SETDB1: variants seen among roughly 807,000 people sequenced by gnomAD.
The protein encoded by SETDB1 is SET domain bifurcated histone lysine methyltransferase 1.
A neutral mutation model predicts 137.4 loss-of-function variants in SETDB1; 31 were observed. The ratio of observed to expected loss-of-function variants is 0.23; its 90% CI spans 0.17 to 0.30. The LOEUF is 0.30. SETDB1 is among the 10% of genes least tolerant of loss of function. The pLI is 1.00. For synonymous variants in SETDB1, 548 were observed against 579.9 expected (o/e 0.95, Z 0.79); for missense variants, 1,113 against 1,631.5 (o/e 0.68, Z 5.47).
chr1:150,962,592 C>A lies in SETDB1; in HGVS notation c.3167C>A (p.Thr1056Asn). 3 of 1,614,112 alleles carry A rather than the reference C, an allele frequency of 1.9e-6. No homozygotes were observed. Among genetic ancestry groups the A allele is most frequent in the Non-Finnish European group, 2.5e-6 (3 of 1,179,952 alleles). Residue 1056 changes from threonine to asparagine, a missense_variant, in exon 18 of 22, where the codon ACT (threonine) becomes AAT (asparagine). This residue lies in a region of SETDB1 where 373 missense variants were observed against 412.7 expected (regional missense o/e 0.90). Transcript: ENST00000692827. ...ATTCCTTCCCCTCCCATTAGAGTTA[C>A]TGAAAGCTCTCGAAATTACGGTTAC... ...TDDRNKMSVVTESSRNYGYNP... is the reference protein window; with the variant it reads ...TDDRNKMSVVNESSRNYGYNP...
rs137980584 is a variant in SETDB1, at chr1:150,955,679, G to A, written c.2334-3499G>A. 4.7e-3 allele frequency among the ~76,000 whole-genome samples: 712 copies of A among 152,290 alleles called. 5 individuals carry two copies. Among genetic ancestry groups the A allele is most frequent in the Non-Finnish European group, 6.0e-3 (406 of 68,030 alleles). ...CTTTATAGCATTTATGACAACTTTTGTTGACTTGTTTTTCTTTTTTTCTAT... is the reference window on the plus strand; with the variant it reads ...CTTTATAGCATTTATGACAACTTTTATTGACTTGTTTTTCTTTTTTTCTAT... On this transcript the variant is annotated intron_variant, in intron 14 of 21. Coordinates refer to ENST00000692827, the MANE Select transcript of SETDB1 (RefSeq NM_001366418.1).
At chr1:150,944,882 A>G (rs1670277242) in intron 8 of SETDB1, 36 bp from the exon 9 acceptor site, 3 of 1,611,168 alleles carry the variant, frequency 1.9e-6, no homozygotes, top group Admixed American at 1.7e-5. Flanking sequence ...GACATGCCCT[A>G]CCTGCCCTCT....
intron 14 of SETDB1, 103 bp from the exon 15 acceptor site, chr1:150,959,070 CCACAA>C: frequency 1.3e-6 from 1 of 761,594 alleles, no homozygotes; most frequent in Non-Finnish European, 2.0e-6. Flanking sequence ...TAATCTTTAT[CCACAA>C]CACATTATAA....
At position 150,962,113 on chromosome 1, in the gene SETDB1, C is replaced by T. The variant is rs1349535486; in HGVS notation, c.3133-17C>T. The stretch of plus-strand genomic sequence containing the variant: ...GAGGCTGTGAAAGCATTTAACCCTT[C>T]ACTTGTTCTTTTCCAGGACACTGAC... On this transcript the variant is annotated splice_polypyrimidine_tract_variant and intron_variant, in intron 16 of 21. Coordinates refer to ENST00000692827, the MANE Select transcript of SETDB1 (RefSeq NM_001366418.1). 6.2e-7 allele frequency: 1 copy of T among 1,613,964 alleles called. No homozygotes were observed. The highest frequency in any genetic ancestry group is 1.3e-5 in the African/African-American group (1 of 74,906).
intron 9 of SETDB1, 58 bp downstream of exon 9, chr1:150,945,166 GC>G (rs758119748): frequency 1.9e-6 from 3 of 1,605,432 alleles, no homozygotes; most frequent in Non-Finnish European, 2.6e-6. Context: ...AACTTAAGAA[GC>G]AGTAATGAGG....
intron 5 of SETDB1, 125 bp from the exon 6 acceptor site, chr1:150,942,438 C>T (rs1670193638): frequency 7.1e-6 from 5 of 706,828 alleles, no homozygotes; most frequent in Middle Eastern, 2.6e-4. Context: ...CAGAGTGAGA[C>T]TCCATCTCAA....
At position 150,964,529 on chromosome 1, in the gene SETDB1, T is replaced by A. The variant is rs1670930924; in HGVS notation, c.*165T>A. 2 of 708,686 alleles carry A rather than the reference T, an allele frequency of 2.8e-6. No homozygotes were observed. The highest frequency in any genetic ancestry group is 5.1e-6 in the Non-Finnish European group (2 of 389,428). The allele number at this position is 708,686 out of a possible 1,614,324, so 43.9% of individuals were successfully genotyped here. On this transcript the variant is annotated 3_prime_UTR_variant, in exon 22 of 22. Transcript: ENST00000692827. ...CAGATGATCCCTTCCAATGTGGTGC[T>A]AGCAGGCAGGATCCCTTCTCCACCT...
At chr1:150,953,186 G>A (rs587710426) in intron 14 of SETDB1, among the ~76,000 whole-genome samples, 1 of 152,136 alleles carries the variant, frequency 6.6e-6, no homozygotes, top group Non-Finnish European at 1.5e-5. Flanking sequence ...GAGGCCTGGA[G>A]TTTGAGACCA....
intron 14 of SETDB1, among the ~76,000 whole-genome samples, chr1:150,953,526 CA>C (rs71580345): frequency 1.2e-3 from 163 of 139,646 alleles, no homozygotes; most frequent in East Asian, 1.3e-3. Context: ...AATTCTATCT[CA>C]AAAAAAAAAA....
At chr1:150,934,926 A>G (rs775885840) in intron 3 of SETDB1, among the ~76,000 whole-genome samples, 18 of 152,084 alleles carry the variant, frequency 1.2e-4, no homozygotes, top group Non-Finnish European at 2.2e-4. Context: ...GGTTCAAGCA[A>G]TTCTCCTGCC....
chr1:150,934,619 A>G (rs1320390070), intron 3 of SETDB1, among the ~76,000 whole-genome samples: 1 of 152,154 alleles, frequency 6.6e-6, no homozygotes, highest in Non-Finnish European at 1.5e-5. Flanking sequence ...AAGCAGTCTC[A>G]TGTTTAAAGA....
At chr1:150,936,942 T>G (rs1243374816) in intron 3 of SETDB1, among the ~76,000 whole-genome samples, 1 of 152,172 alleles carries the variant, frequency 6.6e-6, no homozygotes, top group East Asian at 1.9e-4. Flanking sequence ...CTGGCCAGTA[T>G]GGCGAAATCC....
rs1312636030 is a variant in SETDB1 at position 150,949,433 on chromosome 1, A to G, written c.1491A>G (p.Pro497=). The change falls in exon 12 of 22, where the codon CCA becomes CCG. Residue 497 remains proline (P), a synonymous_variant. Transcript: ENST00000692827. The part of the protein sequence containing the change: ...QVAKKSTSFR[P]GSVGSGHSSP... Reference sequence around the variant, plus strand: ...CCAAAAAGAGCACGTCCTTTCGACCAGGATCTGTGGGCTCTGGTCATTCCT... The same window carrying G: ...CCAAAAAGAGCACGTCCTTTCGACCGGGATCTGTGGGCTCTGGTCATTCCT... 6.2e-7 allele frequency: 1 copy of G among 1,614,222 alleles called. No individual in the cohort carries two copies. Among genetic ancestry groups the G allele is most frequent in the Non-Finnish European group, 8.5e-7 (1 of 1,180,034 alleles).
rs1236034521 is a variant in SETDB1, at chr1:150,931,274, AAAAAAAAG to A, written c.412+1157_412+1164del. On this transcript the variant is annotated intron_variant, in intron 3 of 21. Coordinates refer to ENST00000692827, the MANE Select transcript of SETDB1 (RefSeq NM_001366418.1). ...GACTCTTGTCTTCAAAAAAAAAAAA[AAAAAAAAG>A]GGTTTCCAGAACAGACATCCTGGCC... is the stretch of plus-strand genomic sequence containing the variant. Among the ~76,000 whole-genome samples, 53 of 148,424 alleles carry A rather than the reference AAAAAAAAG, an allele frequency of 3.6e-4. 1 individual carries two copies. The highest frequency in any genetic ancestry group is 1.2e-3 in the African/African-American group (50 of 40,570).
rs1349225889 is a variant in SETDB1, at chr1:150,942,929, T to A, written c.751T>A (p.Tyr251Asn). The change falls in exon 7 of 22, where the codon TAC (tyrosine) becomes AAC (asparagine). Residue 251 changes from tyrosine (Y) to asparagine (N), a missense_variant. Transcript: ENST00000692827. Reference protein sequence around the residue: ...LLSGNHIAYDYHPPADKLYVG... With the variant: ...LLSGNHIAYDNHPPADKLYVG... ...GTCGGGGAACCATATTGCCTATGAT[T>A]ACCACCCTCCTGCTGACAAGCTGTA... is the stretch of plus-strand genomic sequence containing the variant. The A allele has an allele frequency of 2.5e-6, 4 of 1,613,946 alleles. No individual in the cohort carries two copies. The highest frequency in any genetic ancestry group is 3.4e-6 in the Non-Finnish European group (4 of 1,179,928).
intron 14 of SETDB1, among the ~76,000 whole-genome samples, chr1:150,953,743 C>T (rs903415679): frequency 1.3e-5 from 2 of 151,892 alleles, no homozygotes; most frequent in African/African-American, 2.4e-5. Flanking sequence ...GCAAGAGAAT[C>T]GCTTGAAGCT....
intron 3 of SETDB1, among the ~76,000 whole-genome samples, chr1:150,931,608 TAATAAAAAAAAATTAAAAAATAAAA>T (rs1669750424): frequency 1.0e-5 from 1 of 95,752 alleles, no homozygotes; most frequent in Non-Finnish European, 2.2e-5. Context: ...ACTTAAAGTA[TAATAAAAAAAAATTAAAAAATAAAA>T]AATAAAAAAA....
intron 14 of SETDB1, among the ~76,000 whole-genome samples, chr1:150,953,884 T>C (rs1288038917): frequency 6.6e-6 from 1 of 151,914 alleles, no homozygotes; most frequent in Non-Finnish European, 1.5e-5. Flanking sequence ...AGATGGAGTC[T>C]TGCTCTGTCG....
At position 150,951,350 on chromosome 1, in the gene SETDB1, C is replaced by G; in HGVS notation, c.2217-15C>G. ...ATCCCCCCGCTCCTTTCCTTTATTT[C>G]CCTCTGTCATATAGGTCCAAGTGTG... is the stretch of plus-strand genomic sequence containing the variant. On this transcript the variant is annotated splice_polypyrimidine_tract_variant and intron_variant, in intron 13 of 21. Coordinates refer to ENST00000692827, the MANE Select transcript of SETDB1 (RefSeq NM_001366418.1). The G allele has an allele frequency of 2.6e-6, 4 of 1,549,726 alleles. No homozygotes were observed. Among genetic ancestry groups the G allele is most frequent in the Non-Finnish European group, 3.6e-6 (4 of 1,122,038 alleles).
Sources: allele counts gnomAD v4.1 joint callset (sites outside exome capture counted in the v4.1 genomes callset), GRCh38; gene constraint gnomAD v4.1.1; regional missense constraint gnomAD v4.1.1; transcripts MANE v1.5; gene names NCBI Gene and HGNC (gene_info 2026-07-23, HGNC 2026-07-21).